The following LDLRAD3 variants were observed in gnomAD, a reference collection of about 807,000 sequenced individuals.
The protein encoded by LDLRAD3 is low density lipoprotein receptor class A domain containing 3.
A neutral mutation model predicts 29.4 loss-of-function variants in LDLRAD3; 20 were observed. The observed-to-expected ratio is 0.68, with a 90% confidence interval of 0.48 to 0.99. The LOEUF (loss-of-function observed/expected upper bound fraction) is 0.99. Among genes scored for constraint, LDLRAD3 ranks in the 50% least tolerant of loss-of-function variants. The pLI, the probability that LDLRAD3 is intolerant of heterozygous loss-of-function variation, is 0.00. For synonymous variants in LDLRAD3, 157 were observed against 192.7 expected, an observed-to-expected ratio of 0.81 and a Z score of 1.53; for missense variants, 420 against 454.3, an observed-to-expected ratio of 0.92 and a Z score of 0.69.
chr11:36,163,963 T>C lies in LDLRAD3; in HGVS notation c.455-63122T>C, dbSNP rs1471489873. On this transcript the variant is annotated intron_variant, in intron 4 of 5. Coordinates refer to ENST00000315571, the MANE Select transcript of LDLRAD3 (RefSeq NM_174902.4). ...GCTGAGTGGCTTCAGTTTTCACTGC[T>C]TTGATCTATGTCCTGCCTGACTGGA... 3.3e-5 allele frequency among the ~76,000 whole-genome samples: 5 copies of C among 152,228 alleles called. No individual in the cohort carries two copies. In the East Asian group the frequency reaches 7.7e-4, roughly 23 times the overall value.
chr11:35,952,650 C>T (rs535841118), intron 1 of LDLRAD3, among the ~76,000 whole-genome samples: 1 of 152,250 alleles, frequency 6.6e-6, no homozygotes, highest in Non-Finnish European at 1.5e-5. Context: ...TGTTGGAATA[C>T]CAACCAAAAG....
chr11:36,043,048 A>G, intron 2 of LDLRAD3, among the ~76,000 whole-genome samples: 1 of 152,208 alleles, frequency 6.6e-6, no homozygotes, highest in South Asian at 2.1e-4. Context: ...ATGGTGGCTT[A>G]TGCCTGTAAT....
chr11:35,993,390 C>T (rs1851713566), intron 1 of LDLRAD3, among the ~76,000 whole-genome samples: 2 of 152,152 alleles, frequency 1.3e-5, no homozygotes, highest in Non-Finnish European at 2.9e-5. Flanking sequence ...CCTGGCTGAG[C>T]GAGGAGGCTC....
At position 36,227,447 on chromosome 11, in the gene LDLRAD3, A is replaced by G; in HGVS notation, c.800+17A>G. 3.3e-6 allele frequency: 5 copies of G among 1,522,952 alleles called. No homozygotes were observed. The highest frequency in any genetic ancestry group is 4.4e-6 in the Non-Finnish European group (5 of 1,132,194). The allele number at this position is 1,522,952 out of a possible 1,614,324, so 94.3% of individuals were successfully genotyped here. A position where few individuals can be genotyped will look rare whatever the true frequency, so the allele number is the denominator to read the frequency against. On this transcript the variant is annotated intron_variant, in intron 5 of 5. Transcript: ENST00000315571. Reference sequence around the variant, plus strand: ...GGACCAGAGGTGTGTGCTGGATGGAAGAGATTGAGGCGGGAGAGGTCATCC... The same window carrying G: ...GGACCAGAGGTGTGTGCTGGATGGAGGAGATTGAGGCGGGAGAGGTCATCC...
rs1218136223 is a variant in LDLRAD3, at chr11:36,042,443, G to A, written c.193+6194G>A. 2.6e-5 allele frequency among the ~76,000 whole-genome samples: 4 copies of A among 152,178 alleles called. No homozygotes were observed. In the East Asian group the frequency reaches 5.8e-4, roughly 22 times the overall value. ...CGTTCTGTCATTTCTCAAAGAAGGG[G>A]ATGTGTTGGCTGATGAGCTGTGGCT... On this transcript the variant is annotated intron_variant, in intron 2 of 5. Transcript: ENST00000315571.
intron 4 of LDLRAD3, among the ~76,000 whole-genome samples, chr11:36,106,145 A>G (rs1021981092): frequency 6.6e-6 from 1 of 152,088 alleles, no homozygotes; most frequent in African/African-American, 2.4e-5. Flanking sequence ...TGGTAGGGAG[A>G]ACTCCTGGTC....
chr11:36,066,656 G>A (rs1469822306), intron 2 of LDLRAD3, among the ~76,000 whole-genome samples: 5 of 150,900 alleles, frequency 3.3e-5, no homozygotes, highest in Admixed American at 6.6e-5. Context: ...TTTTTTCCTC[G>A]TCATTCTTCG....
At chr11:36,000,178 GTGTA>G (rs1851805561) in intron 1 of LDLRAD3, among the ~76,000 whole-genome samples, 1 of 151,404 alleles carries the variant, frequency 6.6e-6, no homozygotes, top group African/African-American at 2.4e-5. Context: ...ACAAAACTCT[GTGTA>G]TGTGTGTATG....
At chr11:36,218,347 C>T (rs758788256) in intron 4 of LDLRAD3, among the ~76,000 whole-genome samples, 10 of 152,144 alleles carry the variant, frequency 6.6e-5, no homozygotes, top group Non-Finnish European at 1.2e-4. Context: ...TGTCTGTGAA[C>T]GACAGGCCAA....
intron 1 of LDLRAD3, among the ~76,000 whole-genome samples, chr11:35,987,863 A>T (rs1464011297): frequency 6.6e-6 from 1 of 152,200 alleles, no homozygotes; most frequent in Non-Finnish European, 1.5e-5. Context: ...ACAGTGGCTG[A>T]ACTAGTTTAC....
rs184701563 is a variant in LDLRAD3, at chr11:36,064,256, C to A, written c.194-17397C>A. Among the ~76,000 whole-genome samples, 8 of 152,194 alleles carry A rather than the reference C, an allele frequency of 5.3e-5. No individual in the cohort carries two copies. The East Asian group carries it at 1.5e-3, about 29-fold the overall frequency. On this transcript the variant is annotated intron_variant, in intron 2 of 5. Coordinates refer to ENST00000315571, the MANE Select transcript of LDLRAD3 (RefSeq NM_174902.4). The stretch of plus-strand genomic sequence containing the variant: ...ATACAATTGATTTTGGTGTATCCAC[C>A]TTGTCTCCTGCAACCTTGCTAAACT...
At chr11:36,048,978 G>A (rs1852491092) in intron 2 of LDLRAD3, among the ~76,000 whole-genome samples, 1 of 152,124 alleles carries the variant, frequency 6.6e-6, no homozygotes, top group African/African-American at 2.4e-5. Context: ...CATCAGCACT[G>A]TGTGCTGCCT....
chr11:36,111,414 CT>C (rs552616757), intron 4 of LDLRAD3, among the ~76,000 whole-genome samples: 8 of 150,824 alleles, frequency 5.3e-5, no homozygotes, highest in African/African-American at 1.5e-4. Context: ...TCAGTTATGT[CT>C]TTTTTTTTGG....
Position 36,066,681 on chromosome 11 carries a change from T to G in LDLRAD3, c.194-14972T>G, listed in dbSNP as rs573863194. Among the ~76,000 whole-genome samples the G allele has an allele frequency of 2.6e-5, 4 of 152,342 alleles. 1 individual carries two copies. In the South Asian group the frequency reaches 8.3e-4, roughly 32 times the overall value. ...GTCATTCTTCGTAATAAAAGTACTT[T>G]AAAGGTCGATGATAGCCACTTTGAA... On this transcript the variant is annotated intron_variant, in intron 2 of 5. Coordinates refer to ENST00000315571, the MANE Select transcript of LDLRAD3 (RefSeq NM_174902.4).
intron 1 of LDLRAD3, among the ~76,000 whole-genome samples, chr11:35,966,501 T>C: frequency 1.3e-5 from 2 of 152,252 alleles, no homozygotes; most frequent in Middle Eastern, 3.4e-3. Context: ...TAAAGTATGA[T>C]GAAATAATAG....
intron 1 of LDLRAD3, among the ~76,000 whole-genome samples, chr11:36,015,338 T>G (rs1002329051): frequency 1.0e-5 from 1 of 98,114 alleles, no homozygotes; most frequent in Non-Finnish European, 2.1e-5. Context: ...CCATTGCCTG[T>G]CCCCGTCCCC....
intron 1 of LDLRAD3, among the ~76,000 whole-genome samples, chr11:36,032,502 A>G (rs1455533357): frequency 6.6e-6 from 1 of 152,216 alleles, no homozygotes; most frequent in East Asian, 1.9e-4. Context: ...TGAGAAGTCC[A>G]AAGGTTTTTT....
chr11:35,968,458 A>G, intron 1 of LDLRAD3: 1 of 376,466 alleles, frequency 2.7e-6, no homozygotes, highest in Non-Finnish European at 5.3e-6. Context: ...GTGACACTGG[A>G]GTCCTCAAAA....
chr11:35,948,432 C>T (rs1851087748), intron 1 of LDLRAD3, among the ~76,000 whole-genome samples: 1 of 133,822 alleles, frequency 7.5e-6, no homozygotes, highest in Admixed American at 7.5e-5. Context: ...TTTAAGTTGG[C>T]TGATCGTGTG....
Sources: allele counts gnomAD v4.1 joint callset (sites outside exome capture counted in the v4.1 genomes callset), GRCh38; gene constraint gnomAD v4.1.1; transcripts MANE v1.5; gene names NCBI Gene and HGNC (gene_info 2026-07-23, HGNC 2026-07-21).